The following DPP6 variants were observed in gnomAD, a reference collection of about 807,000 sequenced individuals.
DPP6 encodes dipeptidyl peptidase like 6.
DPP6 carries 69 observed loss-of-function variants against 122.6 expected under a neutral mutation model. The observed-to-expected ratio is 0.56, with a 90% CI of 0.46 to 0.69. The LOEUF is 0.69. Among genes scored for constraint, DPP6 ranks in the 30% least tolerant of loss-of-function variants. DPP6 has a pLI of 0.00. For synonymous variants in DPP6, 418 were observed against 433.1 expected (o/e 0.97, Z 0.43); for missense variants, 928 against 1,116.9 (o/e 0.83, Z 2.41).
chr7:154,077,681 T>TC (rs1803663870), intron 1 of DPP6, among the ~76,000 whole-genome samples: 2 of 150,584 alleles, frequency 1.3e-5, no homozygotes, highest in African/African-American at 4.9e-5. Flanking sequence ...TTATTATTTT[T>TC]TTTTTTTTGA....
chr7:154,626,531 C>A (rs1835076481), intron 5 of DPP6, among the ~76,000 whole-genome samples: 1 of 152,150 alleles, frequency 6.6e-6, no homozygotes, highest in South Asian at 2.1e-4. Context: ...ACCTGAACAA[C>A]TAGGGATTGA....
At chr7:154,539,215 C>G (rs1284515856) in intron 3 of DPP6, among the ~76,000 whole-genome samples, 1 of 152,174 alleles carries the variant, frequency 6.6e-6, no homozygotes, top group Non-Finnish European at 1.5e-5. Flanking sequence ...TGCCTCTCAA[C>G]CTGCAACCCT....
intron 3 of DPP6, among the ~76,000 whole-genome samples, chr7:154,517,276 T>C (rs1310575025): frequency 1.3e-5 from 2 of 152,128 alleles, no homozygotes; most frequent in Non-Finnish European, 2.9e-5. Flanking sequence ...CAGATCCCAG[T>C]TGTAACACTC....
At position 154,329,170 on chromosome 7, in the gene DPP6, C is replaced by T. The variant is rs76889655; in HGVS notation, c.244-117044C>T. Among the ~76,000 whole-genome samples the T allele has an allele frequency of 7.0e-3, 1,065 of 152,246 alleles. 26 individuals carry two copies. The highest frequency in any genetic ancestry group is 0.058 in the East Asian group (300 of 5,182). ...ACTTAAATATTCCCTATGAAAGCTC[C>T]GGTGTACACATTTATTTTATTCATG... On this transcript the variant is annotated intron_variant, in intron 1 of 25. Transcript: ENST00000377770.
chr7:154,875,078 C>T lies in DPP6; in HGVS notation c.1884-828C>T, dbSNP rs185623661. 9.4e-5 allele frequency among the ~76,000 whole-genome samples: 14 copies of T among 148,598 alleles called. No individual in the cohort carries two copies. The highest frequency in any genetic ancestry group is 1.5e-4 in the Non-Finnish European group (10 of 67,572). On this transcript the variant is annotated intron_variant, in intron 19 of 25. Coordinates refer to ENST00000377770, the MANE Select transcript of DPP6 (RefSeq NM_130797.4). This position sits in a 1 kb window ranked among gnomAD's most constrained non-coding sequence, Gnocchi z 4.5. ...TTGTGCCACTGCACTCCAGCCTGGC[C>T]GACAGAGTGAGACCCTGTCTCAAAC... is the stretch of plus-strand genomic sequence containing the variant.
intron 8 of DPP6, among the ~76,000 whole-genome samples, chr7:154,765,427 C>G (rs1795836521): frequency 6.6e-6 from 1 of 152,176 alleles, no homozygotes; most frequent in South Asian, 2.1e-4. Context: ...GTGGTGGTCA[C>G]CTCTTCATCT....
chr7:154,326,353 C>T (rs1214984992), intron 1 of DPP6, among the ~76,000 whole-genome samples: 1 of 151,846 alleles, frequency 6.6e-6, no homozygotes, highest in African/African-American at 2.4e-5. Context: ...TTTATGCGGT[C>T]GAGTCTTTTG....
the DPP6 span, among the ~76,000 whole-genome samples, chr7:153,809,311 C>T: frequency 5.3e-5 from 8 of 151,846 alleles, no homozygotes; most frequent in Non-Finnish European, 1.0e-4. Flanking sequence ...CTCTGCTTTT[C>T]AGTGCCTTAA....
chr7:154,159,782 A>G (rs375135125), intron 1 of DPP6, among the ~76,000 whole-genome samples: 9,031 of 107,560 alleles, frequency 0.084, no homozygotes, highest in Admixed American at 0.12. Flanking sequence ...CAACAGCACT[A>G]TTAGTTGGTA....
At chr7:154,816,169 A>G (rs998093374) in intron 16 of DPP6, among the ~76,000 whole-genome samples, 8 of 152,174 alleles carry the variant, frequency 5.3e-5, no homozygotes, top group Non-Finnish European at 1.0e-4. Context: ...TGAAAATCGG[A>G]GGAATAACAG....
chr7:154,496,793 AT>A (rs1430047100), intron 3 of DPP6, among the ~76,000 whole-genome samples: 2 of 152,264 alleles, frequency 1.3e-5, no homozygotes, highest in African/African-American at 4.8e-5. Flanking sequence ...GTGTCACTTC[AT>A]AACATAGAAG....
At chr7:153,768,260 GAAAAA>G in the DPP6 span, among the ~76,000 whole-genome samples, 2 of 144,060 alleles carry the variant, frequency 1.4e-5, no homozygotes, top group African/African-American at 2.6e-5. Flanking sequence ...AATTAGGAAA[GAAAAA>G]GAAAAAGGTT....
Position 154,061,512 on chromosome 7 carries a change from G to A in DPP6, c.243+8449G>A, listed in dbSNP as rs1247422202. ...AGCAACTGCCCTGCTAGTACAAGAAGCAAATAAGCTGATTCTTGGGCAAAA... is the reference window on the plus strand; with the variant it reads ...AGCAACTGCCCTGCTAGTACAAGAAACAAATAAGCTGATTCTTGGGCAAAA... On this transcript the variant is annotated intron_variant, in intron 1 of 25. Coordinates refer to ENST00000377770, the MANE Select transcript of DPP6 (RefSeq NM_130797.4). Among the ~76,000 whole-genome samples, 4 of 147,222 alleles carry A rather than the reference G, an allele frequency of 2.7e-5. No individual in the cohort carries two copies. The East Asian group carries it at 7.8e-4, about 29-fold the overall frequency.
chr7:153,865,576 C>T, the DPP6 span, among the ~76,000 whole-genome samples: 1 of 152,036 alleles, frequency 6.6e-6, no homozygotes, highest in Non-Finnish European at 1.5e-5. Flanking sequence ...TCACAAGTAC[C>T]TCTTATTTAA....
intron 1 of DPP6, chr7:154,038,393 AT>A (rs1435323471): frequency 1.7e-5 from 1 of 59,860 alleles, no homozygotes; most frequent in African/African-American, 8.3e-5. Context: ...TTAAAAAAAA[AT>A]CACGTGCTGA....
chr7:153,920,429 G>C (rs1027028904), intron 1 of DPP6, among the ~76,000 whole-genome samples: 1 of 152,148 alleles, frequency 6.6e-6, no homozygotes, highest in Non-Finnish European at 1.5e-5. Flanking sequence ...AAGAAAGAGA[G>C]AAAGACAAGA....
chr7:154,086,094 C>T (rs1804397878), intron 1 of DPP6, among the ~76,000 whole-genome samples: 1 of 152,018 alleles, frequency 6.6e-6, no homozygotes, highest in Admixed American at 6.6e-5. Context: ...ATTGCATTGT[C>T]CTGGTTATTT....
In DPP6 at chr7:153,887,673, C is replaced by G. The variant is rs188850191; in HGVS notation, c.-11C>G. On this transcript the variant is annotated 5_prime_UTR_variant, in exon 1 of 26. Coordinates refer to the DPP6 transcript ENST00000404039. ...CCCTGGACCAGAAGTCGGGTTCGGA[C>G]TTGGGGCAAAATGAAGGAAAAGGCC... 9 of 1,613,830 alleles carry G rather than the reference C, an allele frequency of 5.6e-6. No individual in the cohort carries two copies. In the East Asian group the frequency reaches 1.8e-4, roughly 32 times the overall value.
intron 7 of DPP6, among the ~76,000 whole-genome samples, chr7:154,716,876 C>A (rs1377130129): frequency 2.0e-5 from 3 of 152,018 alleles, no homozygotes; most frequent in African/African-American, 7.3e-5. Flanking sequence ...CTCTGTTGCC[C>A]AGGCTGCAGT....
Sources: allele counts gnomAD v4.1 joint callset (sites outside exome capture counted in the v4.1 genomes callset), GRCh38; gene constraint gnomAD v4.1.1; non-coding constraint Gnocchi (gnomAD v3.1); transcripts MANE v1.5; gene names NCBI Gene and HGNC (gene_info 2026-07-23, HGNC 2026-07-21).